SLIT3: variants seen among roughly 807,000 people sequenced by gnomAD.
SLIT3 encodes slit homolog 3 protein.
In SLIT3, 68 loss-of-function variants were observed where a neutral mutation model predicts 184.0. The observed-to-expected ratio is 0.37, with a 90% confidence interval of 0.30 to 0.45. The LOEUF (loss-of-function observed/expected upper bound fraction) is 0.45, where lower values mean the gene tolerates loss of function less well. Among genes scored for constraint, SLIT3 ranks in the 20% least tolerant of loss-of-function variants. The pLI is 1.00. For missense variants in SLIT3, 1,707 were observed against 2,026.0 expected, an observed-to-expected ratio of 0.84 and a Z score of 3.02; for synonymous variants, 831 against 828.6, an observed-to-expected ratio of 1.00 and a Z score of -0.05.
At chr5:169,229,826 C>A (rs1764937199) in intron 3 of SLIT3, among the ~76,000 whole-genome samples, 1 of 152,094 alleles carries the variant, frequency 6.6e-6, no homozygotes, top group Non-Finnish European at 1.5e-5. Flanking sequence ...GGCGTACATG[C>A]ATTTAACTTG....
intron 4 of SLIT3, among the ~76,000 whole-genome samples, chr5:168,953,391 C>T (rs901130376): frequency 9.2e-5 from 14 of 152,194 alleles, no homozygotes; most frequent in Non-Finnish European, 1.5e-5. Flanking sequence ...AAGGACTTAA[C>T]AGCATCTTAG....
At chr5:168,686,584 G>A (rs1257156865) in intron 30 of SLIT3, among the ~76,000 whole-genome samples, 1 of 152,220 alleles carries the variant, frequency 6.6e-6, no homozygotes, top group Admixed American at 6.5e-5. Flanking sequence ...GAACCATCAT[G>A]TTTGTTCTTC....
chr5:169,290,271 G>T (rs1767303382), intron 1 of SLIT3, among the ~76,000 whole-genome samples: 1 of 150,566 alleles, frequency 6.6e-6, no homozygotes, highest in Non-Finnish European at 1.5e-5. Flanking sequence ...ACATATTAGG[G>T]CATATGCTAG....
intron 4 of SLIT3, among the ~76,000 whole-genome samples, chr5:169,090,364 T>G (rs1759529254): frequency 1.3e-5 from 2 of 152,186 alleles, no homozygotes; most frequent in South Asian, 2.1e-4. Flanking sequence ...AGGGCCCAGA[T>G]GGAAGCCAGC....
intron 3 of SLIT3, among the ~76,000 whole-genome samples, chr5:169,201,924 A>C (rs1003312291): frequency 4.6e-5 from 7 of 152,250 alleles, no homozygotes; most frequent in Non-Finnish European, 8.8e-5. Flanking sequence ...TGCCTTAAGC[A>C]TCAAAACAGC....
intron 4 of SLIT3, among the ~76,000 whole-genome samples, chr5:169,158,648 G>A (rs1273184551): frequency 6.6e-6 from 1 of 152,264 alleles, no homozygotes; most frequent in East Asian, 1.9e-4. Context: ...TCCAGTTTAT[G>A]TAGAAATATT....
At chr5:169,123,473 G>T (rs560900658) in intron 4 of SLIT3, among the ~76,000 whole-genome samples, 1 of 152,242 alleles carries the variant, frequency 6.6e-6, no homozygotes, top group African/African-American at 2.4e-5. Context: ...AATTGAAAAG[G>T]ACTGATAATT....
At chr5:168,741,198 C>T (rs138891414) in intron 20 of SLIT3, among the ~76,000 whole-genome samples, 3,263 of 152,258 alleles carry the variant, frequency 0.021, 54 homozygotes, top group Non-Finnish European at 0.031. Context: ...CCTCCAGGCA[C>T]GGAGGCTCAT....
At position 168,735,673 on chromosome 5, in the gene SLIT3, C is replaced by T. The variant is rs1345285339; in HGVS notation, c.2271-11189G>A. Among the ~76,000 whole-genome samples, 74 of 105,586 alleles carry T rather than the reference C, an allele frequency of 7.0e-4. 1 individual carries two copies. Among genetic ancestry groups the T allele is most frequent in the Admixed American group, 2.6e-3 (30 of 11,508 alleles). 69.3% of individuals were successfully genotyped at this position (105,586 alleles called of 152,430 possible). On this transcript the variant is annotated intron_variant, in intron 20 of 35. Coordinates refer to ENST00000519560, the MANE Select transcript of SLIT3 (RefSeq NM_003062.4). Reference sequence around the variant, plus strand: ...ATAGACAGATAGATACACACACACACACACACACACACACACACACACACA... The same window carrying T: ...ATAGACAGATAGATACACACACACATACACACACACACACACACACACACA...
intron 4 of SLIT3, among the ~76,000 whole-genome samples, chr5:168,897,897 C>G (rs1353548559): frequency 1.2e-4 from 6 of 49,328 alleles, no homozygotes; most frequent in Admixed American, 1.0e-3. Flanking sequence ...TCTGAGACAC[C>G]CCCCCACCTT....
chr5:168,807,726 T>C (rs980086013), intron 8 of SLIT3, among the ~76,000 whole-genome samples: 5 of 151,988 alleles, frequency 3.3e-5, no homozygotes, highest in Non-Finnish European at 5.9e-5. Flanking sequence ...ACACAGAACA[T>C]GAAAAAAGTC....
At chr5:169,107,399 G>A (rs1760252278) in intron 4 of SLIT3, among the ~76,000 whole-genome samples, 1 of 152,204 alleles carries the variant, frequency 6.6e-6, no homozygotes, top group African/African-American at 2.4e-5. Context: ...GCTCCCTGGA[G>A]CTAAGAGCTG....
At chr5:168,813,533 T>C (rs1323831412) in intron 8 of SLIT3, among the ~76,000 whole-genome samples, 3 of 152,236 alleles carry the variant, frequency 2.0e-5, no homozygotes, top group East Asian at 1.9e-4. Flanking sequence ...TTGTATAACA[T>C]AGGGAAAAAA....
At chr5:169,129,409 G>A (rs140639624) in intron 4 of SLIT3, among the ~76,000 whole-genome samples, 1,907 of 152,100 alleles carry the variant, frequency 0.013, 20 homozygotes, top group South Asian at 0.032. Flanking sequence ...AAAATAAGCC[G>A]GATGTGGTGG....
At chr5:168,681,343 G>C (rs1761584068) in intron 32 of SLIT3, among the ~76,000 whole-genome samples, 1 of 152,142 alleles carries the variant, frequency 6.6e-6, no homozygotes, top group Admixed American at 6.5e-5. Flanking sequence ...CCAAACATGG[G>C]GCCTGGTAGA....
intron 25 of SLIT3, among the ~76,000 whole-genome samples, 169 bp downstream of exon 25, chr5:168,710,726 G>A (rs533539043): frequency 3.9e-5 from 6 of 152,346 alleles, no homozygotes; most frequent in Admixed American, 1.3e-4. Flanking sequence ...CCCATTAGAT[G>A]AGGGTTCACA....
rs564482458 is a variant in SLIT3, at chr5:169,044,852, C to T, written c.413+148627G>A. ...CTTTTTAATTCAACTGGCCTGTAGA[C>T]CCCAGCTCTGTTTCTGGGCCTGGAG... On this transcript the variant is annotated intron_variant, in intron 4 of 35. Coordinates refer to ENST00000519560, the MANE Select transcript of SLIT3 (RefSeq NM_003062.4). Among the ~76,000 whole-genome samples the T allele has an allele frequency of 1.9e-4, 29 of 152,290 alleles. 1 individual carries two copies. The South Asian group carries it at 5.0e-3, about 26-fold the overall frequency.
chr5:169,169,160 GGAGT>G (rs1216352314), intron 4 of SLIT3, among the ~76,000 whole-genome samples: 2 of 152,192 alleles, frequency 1.3e-5, no homozygotes, highest in Non-Finnish European at 2.9e-5. Context: ...GAGTTCCATG[GGAGT>G]GACAGCACCT....
intron 4 of SLIT3, among the ~76,000 whole-genome samples, chr5:169,064,629 G>A (rs548234304): frequency 6.6e-6 from 1 of 152,136 alleles, no homozygotes; most frequent in Non-Finnish European, 1.5e-5. Flanking sequence ...CTGGCTGTAT[G>A]ATGAGTGTTA....
Sources: gnomAD v4.1 joint callset for allele counts (sites outside exome capture counted in the v4.1 genomes callset) on GRCh38, gnomAD v4.1.1 for gene constraint, MANE v1.5 for transcripts, NCBI Gene and HGNC (gene_info 2026-07-23, HGNC 2026-07-21) for gene names.